Variants in AGBL4 observed in about 807,000 individuals in gnomAD.
AGBL4 encodes the protein cytosolic carboxypeptidase 6.
AGBL4 carries 58 observed loss-of-function variants against 66.4 expected under a neutral mutation model. That is an observed-to-expected ratio of 0.87 (90% CI 0.71 to 1.09). AGBL4 has a LOEUF of 1.09. Among genes scored for constraint, AGBL4 ranks in the 50% least tolerant of loss-of-function variants. The pLI, the probability that AGBL4 is intolerant of heterozygous loss-of-function variation, is 0.00. For missense variants in AGBL4, 579 were observed against 631.0 expected (o/e 0.92, Z 0.88); for synonymous variants, 234 against 222.9 (o/e 1.05, Z -0.44).
chr1:49,445,285 T>C (rs1025545700), intron 3 of AGBL4, among the ~76,000 whole-genome samples: 7 of 152,132 alleles, frequency 4.6e-5, no homozygotes, highest in Non-Finnish European at 1.0e-4. Flanking sequence ...TCATTCTTTA[T>C]CTTTGATTTT....
At position 48,610,157 on chromosome 1, in the gene AGBL4, A is replaced by AGCT. The variant is rs1471304539; in HGVS notation, c.952-19175_952-19173dup. 4.6e-5 allele frequency among the ~76,000 whole-genome samples: 7 copies of AGCT among 152,360 alleles called. No homozygotes were observed. In the South Asian group the frequency reaches 1.2e-3, roughly 27 times the overall value. On this transcript the variant is annotated intron_variant, in intron 9 of 13. Coordinates refer to ENST00000371839, the MANE Select transcript of AGBL4 (RefSeq NM_032785.4). Reference sequence around the variant, plus strand: ...AAAAAGAGCACGTGCCTAGTGGAGAAGCTGCTGCTGCTGCTGTAGCCTGAC... The same window carrying AGCT: ...AAAAAGAGCACGTGCCTAGTGGAGAAGCTGCTGCTGCTGCTGCTGTAGCCTGAC...
intron 3 of AGBL4, among the ~76,000 whole-genome samples, chr1:49,468,306 G>A (rs1011026098): frequency 5.3e-5 from 8 of 151,762 alleles, no homozygotes; most frequent in African/African-American, 1.9e-4. Flanking sequence ...ACCAACTCTA[G>A]TCCTGGATTA....
At chr1:48,663,476 G>A (rs320008) in intron 6 of AGBL4, among the ~76,000 whole-genome samples, 74,888 of 151,968 alleles carry the variant, frequency 0.49, 19,803 homozygotes, top group Middle Eastern at 0.65. Context: ...ATATTAATAT[G>A]TAGTATTTAT....
intron 6 of AGBL4, among the ~76,000 whole-genome samples, chr1:48,768,609 T>C (rs780917720): frequency 2.0e-5 from 3 of 152,156 alleles, no homozygotes; most frequent in Non-Finnish European, 4.4e-5. Flanking sequence ...GAATTTACAG[T>C]ATTATTAAAA....
chr1:48,856,569 T>A (rs545068724), intron 6 of AGBL4, among the ~76,000 whole-genome samples: 1 of 152,294 alleles, frequency 6.6e-6, no homozygotes, highest in African/African-American at 2.4e-5. Flanking sequence ...CAGTATCTAG[T>A]TTGGCCTCTC....
At chr1:49,261,394 G>A (rs1653148806) in intron 3 of AGBL4, among the ~76,000 whole-genome samples, 2 of 152,156 alleles carry the variant, frequency 1.3e-5, no homozygotes, top group South Asian at 2.1e-4. Flanking sequence ...CGACATGATT[G>A]TATATCTAGA....
rs186254917 is a variant in AGBL4, at chr1:49,594,537, C to A, written c.282+102776G>T. On this transcript the variant is annotated intron_variant, in intron 3 of 13. Transcript: ENST00000371839. Reference sequence around the variant, plus strand: ...TTGCCTCCCATCCACCACTGACAGTCCCTGGTGTGTGATGTTACCCTCCCT... The same window carrying A: ...TTGCCTCCCATCCACCACTGACAGTACCTGGTGTGTGATGTTACCCTCCCT... Among the ~76,000 whole-genome samples, 12 of 152,262 alleles carry A rather than the reference C, an allele frequency of 7.9e-5. No individual in the cohort carries two copies. In the East Asian group the frequency reaches 2.3e-3, roughly 29 times the overall value.
chr1:48,632,583 A>AT (rs1340513390), intron 9 of AGBL4, among the ~76,000 whole-genome samples: 2 of 152,128 alleles, frequency 1.3e-5, no homozygotes, highest in South Asian at 2.1e-4. Flanking sequence ...GTCCAATGCC[A>AT]TTTTTTTGTT....
At chr1:48,873,298 T>A (rs993015179) in intron 5 of AGBL4, among the ~76,000 whole-genome samples, 2 of 152,150 alleles carry the variant, frequency 1.3e-5, no homozygotes, top group African/African-American at 4.8e-5. Context: ...GCACATGTTG[T>A]TCCCTCTAAT....
At chr1:49,134,821 A>T (rs1645976752) in intron 4 of AGBL4, among the ~76,000 whole-genome samples, 1 of 152,102 alleles carries the variant, frequency 6.6e-6, no homozygotes, top group Non-Finnish European at 1.5e-5. Context: ...ATTAAAGTAA[A>T]GACAGTCATA....
intron 3 of AGBL4, among the ~76,000 whole-genome samples, chr1:49,262,631 G>A (rs567744859): frequency 5.2e-5 from 7 of 133,744 alleles, no homozygotes; most frequent in African/African-American, 1.6e-4. Flanking sequence ...AGTTAGAATG[G>A]CGATCATTAA....
chr1:49,978,085 T>C (rs895389643), intron 1 of AGBL4, among the ~76,000 whole-genome samples: 1 of 152,162 alleles, frequency 6.6e-6, no homozygotes, highest in African/African-American at 2.4e-5. Flanking sequence ...GACATAGAAT[T>C]TTAGGTTGAA....
At chr1:49,560,666 A>G (rs1055350149) in intron 3 of AGBL4, among the ~76,000 whole-genome samples, 2 of 152,184 alleles carry the variant, frequency 1.3e-5, no homozygotes, top group Non-Finnish European at 2.9e-5. Context: ...CTATTTAATA[A>G]ACTCACAAAG....
intron 9 of AGBL4, among the ~76,000 whole-genome samples, chr1:48,608,959 G>C (rs922345277): frequency 7.9e-5 from 12 of 152,272 alleles, no homozygotes; most frequent in South Asian, 2.1e-4. Context: ...TTTTGAGGTT[G>C]GCGTTATGAT....
chr1:48,604,975 G>A (rs1047493557), intron 9 of AGBL4, among the ~76,000 whole-genome samples: 10 of 152,162 alleles, frequency 6.6e-5, no homozygotes, highest in Non-Finnish European at 1.5e-4. Flanking sequence ...CTGGCTCTTT[G>A]AATTGTTTGG....
chr1:49,190,102 C>A (rs1647087856), intron 4 of AGBL4, among the ~76,000 whole-genome samples: 1 of 152,156 alleles, frequency 6.6e-6, no homozygotes, highest in Admixed American at 6.6e-5. Flanking sequence ...CTACGTAAGG[C>A]AAGGAAGGGT....
chr1:48,918,742 C>T (rs1653830186), intron 5 of AGBL4, among the ~76,000 whole-genome samples: 1 of 152,122 alleles, frequency 6.6e-6, no homozygotes, highest in African/African-American at 2.4e-5. Flanking sequence ...TAGATGTCAC[C>T]CAGTCTATGG....
At chr1:49,106,014 C>A (rs181046842) in intron 4 of AGBL4, among the ~76,000 whole-genome samples, 1 of 152,288 alleles carries the variant, frequency 6.6e-6, no homozygotes, top group East Asian at 1.9e-4. Context: ...TTAAGTGAGA[C>A]AAGGTTAATG....
chr1:49,988,883 G>C (rs1659713029), intron 1 of AGBL4, among the ~76,000 whole-genome samples: 1 of 152,106 alleles, frequency 6.6e-6, no homozygotes, highest in Admixed American at 6.5e-5. Context: ...ATTCAAAAAT[G>C]CTTCTGTCTC....
Sources: gnomAD v4.1 joint callset for allele counts (sites outside exome capture counted in the v4.1 genomes callset) on GRCh38, gnomAD v4.1.1 for gene constraint, MANE v1.5 for transcripts, NCBI Gene and HGNC (gene_info 2026-07-23, HGNC 2026-07-21) for gene names.